The following ZNF475 variants were observed in gnomAD, a reference collection of about 807,000 sequenced individuals.
The protein encoded by ZNF475 is zinc finger protein 475.
the ZNF475 span, among the ~76,000 whole-genome samples, chr5:122,173,034 GA>G: frequency 1.8e-4 from 26 of 144,226 alleles, no homozygotes; most frequent in South Asian, 1.1e-3. Context: ...CTCCGTCTCA[GA>G]AAAAAAAAAA....
chr5:122,179,625 A>G, the ZNF475 span: 1 of 1,534,574 alleles, frequency 6.5e-7, no homozygotes, highest in African/African-American at 1.4e-5. Context: ...ATCTATTAGC[A>G]TTCATGAGCC....
the ZNF475 span, among the ~76,000 whole-genome samples, chr5:122,181,381 T>C: frequency 6.6e-6 from 1 of 152,202 alleles, no homozygotes. Context: ...AAAACTCGCA[T>C]GAGTAACGAG....
the ZNF475 span, chr5:122,182,345 C>T: frequency 1.8e-6 from 1 of 570,284 alleles, no homozygotes; most frequent in Non-Finnish European, 2.8e-6. Flanking sequence ...ACTCAGTCAA[C>T]AGGTATTTCC....
the ZNF475 span, among the ~76,000 whole-genome samples, chr5:122,172,010 G>T: frequency 6.6e-6 from 1 of 152,214 alleles, no homozygotes; most frequent in Middle Eastern, 3.4e-3. Context: ...CTCCCAAAGT[G>T]CTGGGATTAC....
the ZNF475 span, chr5:122,182,368 C>T: frequency 5.9e-6 from 4 of 678,610 alleles, no homozygotes; most frequent in Non-Finnish European, 9.0e-6. Flanking sequence ...AAAATATTTT[C>T]CATAGAAAGT....
At chr5:122,160,720 G>A in the ZNF475 span, among the ~76,000 whole-genome samples, 1 of 152,098 alleles carries the variant, frequency 6.6e-6, no homozygotes, top group African/African-American at 2.4e-5. Context: ...GGCGTAAAAT[G>A]AACAAAAACC....
At chr5:122,164,985 A>G in the ZNF475 span, among the ~76,000 whole-genome samples, 3 of 152,220 alleles carry the variant, frequency 2.0e-5, no homozygotes, top group East Asian at 5.8e-4. Flanking sequence ...GAAAGGGGCA[A>G]AAAGAAAAGA....
chr5:122,175,276 T>C, the ZNF475 span, among the ~76,000 whole-genome samples: 3 of 152,210 alleles, frequency 2.0e-5, no homozygotes, highest in Admixed American at 6.5e-5. Context: ...GGTTTTGATA[T>C]TGGTCTGTGA....
At chr5:122,173,394 C>T in the ZNF475 span, among the ~76,000 whole-genome samples, 1 of 152,252 alleles carries the variant, frequency 6.6e-6, no homozygotes, top group Non-Finnish European at 1.5e-5. Flanking sequence ...AACAAATCAG[C>T]CTCTTTTCTT....
At chr5:122,171,268 A>G in the ZNF475 span, among the ~76,000 whole-genome samples, 5 of 152,076 alleles carry the variant, frequency 3.3e-5, no homozygotes, top group Non-Finnish European at 7.4e-5. Flanking sequence ...TGATTTTTTT[A>G]TTACTTTTTA....
At chr5:122,161,399 G>A in the ZNF475 span, among the ~76,000 whole-genome samples, 10,096 of 152,294 alleles carry the variant, frequency 0.066, 470 homozygotes, top group Middle Eastern at 0.16. Flanking sequence ...AAAGCTTCAA[G>A]TAATTGGAGG....
the ZNF475 span, chr5:122,179,585 C>T: frequency 6.6e-7 from 1 of 1,524,708 alleles, no homozygotes; most frequent in Non-Finnish European, 8.7e-7. Flanking sequence ...CAGTTGTTTG[C>T]TACATTTGTG....
chr5:122,171,415 G>T, the ZNF475 span, among the ~76,000 whole-genome samples: 1 of 152,138 alleles, frequency 6.6e-6, no homozygotes, highest in Non-Finnish European at 1.5e-5. Context: ...AAGTAGACAC[G>T]TATATGTTTT....
the ZNF475 span, among the ~76,000 whole-genome samples, chr5:122,161,894 T>C: frequency 6.6e-6 from 1 of 151,704 alleles, no homozygotes; most frequent in African/African-American, 2.4e-5. Context: ...ATTTAATCAA[T>C]ACCTCAAACC....
the ZNF475 span, chr5:122,160,402 T>C: frequency 1.9e-6 from 1 of 531,182 alleles, no homozygotes; most frequent in Non-Finnish European, 3.2e-6. Context: ...GCCTCATGAG[T>C]GAAATTGACA....
the ZNF475 span, among the ~76,000 whole-genome samples, chr5:122,161,694 G>A: frequency 3.3e-5 from 5 of 151,918 alleles, no homozygotes; most frequent in Non-Finnish European, 5.9e-5. Flanking sequence ...AGTGTCTGCC[G>A]TAGCCCATGG....
At chr5:122,171,772 A>G in the ZNF475 span, among the ~76,000 whole-genome samples, 1 of 150,632 alleles carries the variant, frequency 6.6e-6, no homozygotes, top group Non-Finnish European at 1.5e-5. Context: ...AGGGTCTCAC[A>G]CTGGTGCTCA....
At chr5:122,163,161 A>T in the ZNF475 span, 1 of 150,886 alleles carries the variant, frequency 6.6e-6, no homozygotes, top group Non-Finnish European at 1.5e-5. Context: ...TCTCCCTGCC[A>T]CTTCACAGGA....
the ZNF475 span, chr5:122,182,438 T>C: frequency 1.5e-6 from 2 of 1,371,390 alleles, no homozygotes; most frequent in East Asian, 5.3e-5. Context: ...CCCTTTTGTT[T>C]TTGGTATTTT....
Sources: gnomAD v4.1 joint callset for allele counts (sites outside exome capture counted in the v4.1 genomes callset) on GRCh38, gnomAD v4.1.1 for gene constraint, MANE v1.5 for transcripts, NCBI Gene and HGNC (gene_info 2026-07-23, HGNC 2026-07-21) for gene names.